MDM4: variants seen among roughly 807,000 people sequenced by gnomAD.
The protein encoded by MDM4 is protein Mdm4.
In MDM4, 2 loss-of-function variants were observed where a neutral mutation model predicts 60.2. The observed-to-expected ratio is 0.03, with a 90% CI of 0.01 to 0.10. The LOEUF (loss-of-function observed/expected upper bound fraction) is 0.10. Among genes scored for constraint, MDM4 ranks in the 10% least tolerant of loss-of-function variants. The pLI is 1.00. For missense variants in MDM4, 447 were observed against 577.5 expected, an observed-to-expected ratio of 0.77 and a Z score of 2.32; for synonymous variants, 202 against 198.1, an observed-to-expected ratio of 1.02 and a Z score of -0.17.
intron 5 of MDM4, chr1:204,532,691 G>T: frequency 1.4e-6 from 2 of 1,469,010 alleles, no homozygotes; most frequent in Admixed American, 2.1e-5. Flanking sequence ...CATTGCCTTT[G>T]GTTGATATGT....
chr1:204,532,891 A>T, intron 5 of MDM4: 1 of 1,548,428 alleles, frequency 6.5e-7, no homozygotes, highest in Non-Finnish European at 8.8e-7. Flanking sequence ...TGCTTGAATA[A>T]ATTCAAGTTT....
intron 6 of MDM4, chr1:204,537,828 A>C (rs1661572442): frequency 1.5e-6 from 1 of 650,850 alleles, no homozygotes; most frequent in African/African-American, 1.8e-5. Context: ...AGTTCATGTC[A>C]GGCCATTTCC....
At chr1:204,537,910 A>G (rs1661581691) in intron 6 of MDM4, 1 of 690,488 alleles carries the variant, frequency 1.4e-6, no homozygotes, top group African/African-American at 1.7e-5. Context: ...ATGTTTTCTG[A>G]ATTATGCCTA....
At chr1:204,542,694 A>G (rs1662233759) in intron 7 of MDM4, 90 bp from the exon 8 acceptor site, 1 of 962,344 alleles carries the variant, frequency 1.0e-6, no homozygotes, top group Admixed American at 3.0e-5. Context: ...CTTTTTACCT[A>G]TTTTATAAAG....
intron 3 of MDM4, chr1:204,528,952 G>T: frequency 1.3e-6 from 2 of 1,564,832 alleles, no homozygotes; most frequent in Non-Finnish European, 1.8e-6. Context: ...ATCTGCAGCT[G>T]GGTGCACACC....
chr1:204,521,809 TAGAC>T (rs1252656212), intron 1 of MDM4, among the ~76,000 whole-genome samples: 10 of 152,314 alleles, frequency 6.6e-5, no homozygotes, highest in Non-Finnish European at 1.0e-4. Context: ...AATGTATAAA[TAGAC>T]AGTTACAAAT....
intron 1 of MDM4, among the ~76,000 whole-genome samples, chr1:204,524,085 A>G (rs1659859751): frequency 6.6e-6 from 1 of 152,128 alleles, no homozygotes; most frequent in Non-Finnish European, 1.5e-5. Flanking sequence ...GATAGAAGCT[A>G]GGAGGGGGTT....
intron 1 of MDM4, 79 bp downstream of exon 1, chr1:204,516,588 T>G (rs1658996008): frequency 6.6e-6 from 1 of 152,068 alleles, no homozygotes; most frequent in Non-Finnish European, 1.5e-5. Flanking sequence ...TACCGCCAGT[T>G]GTGCGGGTAG....
At position 204,554,897 on chromosome 1, in the gene MDM4, C is replaced by T. The variant is rs946297104; in HGVS notation, c.*5215C>T. On this transcript the variant is annotated 3_prime_UTR_variant, in exon 11 of 11. Transcript: ENST00000367182. Reference sequence around the variant, plus strand: ...GCACTAATGCCATTATTGGTAATGCCGTTATTGGTGAATACAGCATAGTTA... The same window carrying T: ...GCACTAATGCCATTATTGGTAATGCTGTTATTGGTGAATACAGCATAGTTA... The T allele has an allele frequency of 1.1e-4, 24 of 223,888 alleles. No individual in the cohort carries two copies. The highest frequency in any genetic ancestry group is 3.4e-4 in the Admixed American group (6 of 17,440). The allele number at this position is 223,888 out of a possible 1,614,324, so 13.9% of individuals were successfully genotyped here.
intron 3 of MDM4, 148 bp from the exon 4 acceptor site, chr1:204,530,536 T>C: frequency 1.1e-6 from 1 of 941,558 alleles, no homozygotes; most frequent in Non-Finnish European, 1.6e-6. Context: ...GCGGCTTTCC[T>C]GTTGTAGGAC....
Position 204,532,242 on chromosome 1 carries a change from T to C in MDM4, c.339T>C (p.Thr113=), listed in dbSNP as rs762619459. 1.9e-6 allele frequency: 3 copies of C among 1,585,800 alleles called. No individual in the cohort carries two copies. Among genetic ancestry groups the C allele is most frequent in the Non-Finnish European group, 2.6e-6 (3 of 1,154,894 alleles). ...ATCTTGTCACTTTAGCCACTGCTACTACAGGTATGTCACATCATATTTCTT... is the reference window on the plus strand; with the variant it reads ...ATCTTGTCACTTTAGCCACTGCTACCACAGGTATGTCACATCATATTTCTT... ...RKNLVTLATA[T]TDAAQTLALA... The change falls in exon 5 of 11, where the codon ACT becomes ACC. Residue 113 remains threonine (T), a synonymous_variant. Transcript: ENST00000367182.
chr1:204,528,862 T>A (rs1382886876), intron 3 of MDM4: 7 of 1,570,692 alleles, frequency 4.5e-6, no homozygotes, highest in African/African-American at 2.7e-5. Flanking sequence ...ATCCGAGCTG[T>A]CATGGTGACG....
Position 204,549,995 on chromosome 1 carries a change from A to T in MDM4, c.*313A>T, listed in dbSNP as rs1246968223. The T allele has an allele frequency of 3.0e-5, 8 of 265,566 alleles. No homozygotes were observed. Among genetic ancestry groups the T allele is most frequent in the Non-Finnish European group, 2.1e-5 (3 of 140,194 alleles). The allele number at this position is 265,566 out of a possible 1,614,324, so 16.5% of individuals were successfully genotyped here. The stretch of plus-strand genomic sequence containing the variant: ...ATATTGAGGTATAATTAACATGATA[A>T]AGTGTTTCCTTCTAACGAGTTGTAG... On this transcript the variant is annotated 3_prime_UTR_variant, in exon 11 of 11. Transcript: ENST00000367182.
chr1:204,545,993 T>C (rs1429381013), intron 9 of MDM4, among the ~76,000 whole-genome samples: 1 of 152,146 alleles, frequency 6.6e-6, no homozygotes, highest in Non-Finnish European at 1.5e-5. Context: ...TTTAGAACAC[T>C]CCTTACTTTT....
chr1:204,523,051 C>T (rs1478722067), intron 1 of MDM4, among the ~76,000 whole-genome samples: 2 of 151,640 alleles, frequency 1.3e-5, no homozygotes, highest in African/African-American at 2.4e-5. Flanking sequence ...TTAGTAGAGA[C>T]GGGGTTTCAC....
chr1:204,529,316 A>C, intron 3 of MDM4: 1 of 772,016 alleles, frequency 1.3e-6, no homozygotes, highest in South Asian at 1.4e-5. Context: ...CTGTGATCAG[A>C]GTCACCGACT....
At chr1:204,536,660 C>G (rs1661456783) in intron 5 of MDM4, among the ~76,000 whole-genome samples, 1 of 152,108 alleles carries the variant, frequency 6.6e-6, no homozygotes, top group Non-Finnish European at 1.5e-5. Flanking sequence ...AAGTTTTTGT[C>G]TTTTGTTCTA....
chr1:204,555,111 T>C lies in MDM4; in HGVS notation c.*5429T>C, dbSNP rs946127226. 3.0e-5 allele frequency: 6 copies of C among 202,596 alleles called. No homozygotes were observed. Among genetic ancestry groups the C allele is most frequent in the Non-Finnish European group, 6.1e-5 (6 of 98,794 alleles). 12.5% of individuals were successfully genotyped at this position (202,596 alleles called of 1,614,324 possible). Reference sequence around the variant, plus strand: ...GTTGTTTTCCTTCTTACGATCCTCATTGAATCCCCTCTGGGAGCACAGGAC... The same window carrying C: ...GTTGTTTTCCTTCTTACGATCCTCACTGAATCCCCTCTGGGAGCACAGGAC... On this transcript the variant is annotated 3_prime_UTR_variant, in exon 11 of 11. Transcript: ENST00000367182.
At chr1:204,543,068 T>A (rs1662288384) in intron 8 of MDM4, 124 bp downstream of exon 8, 2 of 769,730 alleles carry the variant, frequency 2.6e-6, no homozygotes, top group African/African-American at 3.4e-5. Flanking sequence ...TTAAATACCA[T>A]CTGTATGCAT....
Sources: gnomAD v4.1 joint callset for allele counts (sites outside exome capture counted in the v4.1 genomes callset) on GRCh38, gnomAD v4.1.1 for gene constraint, MANE v1.5 for transcripts, NCBI Gene and HGNC (gene_info 2026-07-23, HGNC 2026-07-21) for gene names.